The following MYO16 variants were observed in gnomAD, a reference collection of about 807,000 sequenced individuals.
MYO16 encodes the protein myosin XVI.
In MYO16, 94 loss-of-function variants were observed where a neutral mutation model predicts 205.3. That is an observed-to-expected ratio of 0.46 (90% CI 0.39 to 0.54). MYO16 has a LOEUF of 0.54. Ranked by LOEUF, MYO16 falls within the 20% of genes least tolerant of loss-of-function variation. The pLI is 0.00. For synonymous variants in MYO16, 988 were observed against 954.0 expected, an observed-to-expected ratio of 1.04 and a Z score of -0.66; for missense variants, 2,315 against 2,387.5, an observed-to-expected ratio of 0.97 and a Z score of 0.63.
At chr13:108,618,354 A>T (rs924340979) in intron 1 of MYO16, among the ~76,000 whole-genome samples, 5 of 152,162 alleles carry the variant, frequency 3.3e-5, no homozygotes, top group African/African-American at 1.2e-4. Context: ...AGGAGAAAAG[A>T]CTTCCCAGCA....
At chr13:108,863,924 G>C (rs1878577037) in intron 11 of MYO16, among the ~76,000 whole-genome samples, 1 of 152,084 alleles carries the variant, frequency 6.6e-6, no homozygotes, top group South Asian at 2.1e-4. Flanking sequence ...TCCTAGGATT[G>C]TTGTCTACTT....
chr13:108,538,445 G>T, the MYO16 span, among the ~76,000 whole-genome samples: 3 of 152,074 alleles, frequency 2.0e-5, no homozygotes, highest in African/African-American at 7.2e-5. Context: ...AATTCCACTA[G>T]TGGTTGTGTG....
chr13:108,696,441 G>T (rs925238602), intron 2 of MYO16, among the ~76,000 whole-genome samples: 1 of 152,160 alleles, frequency 6.6e-6, no homozygotes, highest in Non-Finnish European at 1.5e-5. Context: ...GAACAATATG[G>T]ATAGATTTCA....
At chr13:108,658,328 A>G (rs1881335349) in intron 1 of MYO16, among the ~76,000 whole-genome samples, 2 of 151,596 alleles carry the variant, frequency 1.3e-5, no homozygotes, top group Non-Finnish European at 2.9e-5. Context: ...GAAATTGTCA[A>G]TTTCTCACGT....
At chr13:108,607,033 T>G (rs968668834) in intron 1 of MYO16, among the ~76,000 whole-genome samples, 1 of 152,220 alleles carries the variant, frequency 6.6e-6, no homozygotes, top group African/African-American at 2.4e-5. Flanking sequence ...AACCCCTTTG[T>G]TTTGGCCAAC....
chr13:108,897,112 G>A (rs1347621006), intron 14 of MYO16, among the ~76,000 whole-genome samples: 1 of 152,236 alleles, frequency 6.6e-6, no homozygotes, highest in Non-Finnish European at 1.5e-5. Flanking sequence ...AGGAAAACTA[G>A]TCCGTGTATC....
chr13:108,934,124 G>T (rs1882378486), intron 16 of MYO16, among the ~76,000 whole-genome samples: 1 of 152,118 alleles, frequency 6.6e-6, no homozygotes, highest in Non-Finnish European at 1.5e-5. Context: ...AGGAAATGGT[G>T]TTATCAGTGG....
At chr13:109,074,873 A>C (rs1888041923) in intron 27 of MYO16, among the ~76,000 whole-genome samples, 1 of 152,202 alleles carries the variant, frequency 6.6e-6, no homozygotes, top group Middle Eastern at 3.2e-3. Context: ...TAGGGATTAC[A>C]ATTCAACATG....
At chr13:108,691,870 T>G (rs1391865289) in intron 2 of MYO16, among the ~76,000 whole-genome samples, 1 of 152,238 alleles carries the variant, frequency 6.6e-6, no homozygotes, top group African/African-American at 2.4e-5. Flanking sequence ...TAGCTGGGAC[T>G]ATTAAAATGG....
the MYO16 span, among the ~76,000 whole-genome samples, chr13:108,536,969 C>T: frequency 6.6e-6 from 1 of 152,050 alleles, no homozygotes; most frequent in African/African-American, 2.4e-5. Flanking sequence ...AAGTATTATG[C>T]TCTTTCTTTA....
intron 1 of MYO16, among the ~76,000 whole-genome samples, chr13:108,659,664 A>G (rs1242221296): frequency 2.6e-5 from 4 of 152,148 alleles, no homozygotes; most frequent in Admixed American, 6.5e-5. Flanking sequence ...AGGACTAAGC[A>G]TTTATCTGCC....
chr13:108,784,742 TTGTC>T (rs1886406766), intron 4 of MYO16, among the ~76,000 whole-genome samples: 1 of 152,220 alleles, frequency 6.6e-6, no homozygotes, highest in South Asian at 2.1e-4. Context: ...AAACTTTCCT[TTGTC>T]TGGCCTGAGT....
At chr13:108,784,842 C>T (rs1886409549) in intron 4 of MYO16, among the ~76,000 whole-genome samples, 1 of 152,110 alleles carries the variant, frequency 6.6e-6, no homozygotes, top group South Asian at 2.1e-4. Context: ...GTGATGTTAG[C>T]CATGCCTGAT....
chr13:109,152,748 G>T (rs1877746429), intron 32 of MYO16, among the ~76,000 whole-genome samples: 1 of 152,108 alleles, frequency 6.6e-6, no homozygotes, highest in African/African-American at 2.4e-5. Flanking sequence ...CATGCCTCCG[G>T]ATATGTAGTT....
At chr13:109,052,523 T>C in intron 25 of MYO16, 48 bp downstream of exon 25, 1 of 1,391,692 alleles carries the variant, frequency 7.2e-7, no homozygotes, top group African/African-American at 1.5e-5. Flanking sequence ...TTTTGATAAG[T>C]ATATTTGCTT....
At chr13:108,856,706 A>G (rs2435966) in intron 11 of MYO16, among the ~76,000 whole-genome samples, 41,674 of 151,742 alleles carry the variant, frequency 0.27, 6,007 homozygotes, top group East Asian at 0.44. Flanking sequence ...TTCTTTACCC[A>G]TTTGTGCCTT....
In MYO16 at chr13:108,899,485, G is replaced by A. The variant is rs140709034; in HGVS notation, c.1777+1352G>A. 5.3e-5 allele frequency among the ~76,000 whole-genome samples: 8 copies of A among 152,206 alleles called. No individual in the cohort carries two copies. In the East Asian group the frequency reaches 1.5e-3, roughly 29 times the overall value. ...GATGTTTAGATGTTGAAGTTAGAAGGTTAACTTATACAAAAGGAAAGCTAT... is the reference window on the plus strand; with the variant it reads ...GATGTTTAGATGTTGAAGTTAGAAGATTAACTTATACAAAAGGAAAGCTAT... On this transcript the variant is annotated intron_variant, in intron 15 of 34. Coordinates refer to ENST00000457511, the MANE Select transcript of MYO16 (RefSeq NM_001198950.3).
At chr13:108,873,542 G>T (rs896568009) in intron 12 of MYO16, among the ~76,000 whole-genome samples, 8 of 152,248 alleles carry the variant, frequency 5.3e-5, no homozygotes, top group Admixed American at 2.0e-4. Context: ...AACCACCACT[G>T]CCGAGATGCG....
At chr13:108,721,644 A>T (rs1333240749) in intron 3 of MYO16, among the ~76,000 whole-genome samples, 2 of 152,210 alleles carry the variant, frequency 1.3e-5, no homozygotes, top group Non-Finnish European at 2.9e-5. Flanking sequence ...GTACATAAGG[A>T]TTGGGTAAAT....
Sources: allele counts gnomAD v4.1 joint callset (sites outside exome capture counted in the v4.1 genomes callset), GRCh38; gene constraint gnomAD v4.1.1; transcripts MANE v1.5; gene names NCBI Gene and HGNC (gene_info 2026-07-23, HGNC 2026-07-21).